Variants in MED27 observed in about 807,000 individuals in gnomAD.
MED27 encodes the protein mediator complex subunit 27.
In MED27, 30 loss-of-function variants were observed where a neutral mutation model predicts 38.2. The observed-to-expected ratio is 0.79, with a 90% confidence interval of 0.59 to 1.07. MED27 has a LOEUF of 1.07. MED27 is among the 50% of genes least tolerant of loss of function. The pLI is 0.00. For missense variants in MED27, 289 were observed against 397.5 expected, an observed-to-expected ratio of 0.73 and a Z score of 2.32; for synonymous variants, 122 against 153.5, an observed-to-expected ratio of 0.79 and a Z score of 1.52.
chr9:132,044,943 A>C (rs1833298438), intron 2 of MED27, among the ~76,000 whole-genome samples: 1 of 152,242 alleles, frequency 6.6e-6, no homozygotes, highest in Admixed American at 6.5e-5. Context: ...ATTAGAGTTA[A>C]AAGTATGAAA....
At chr9:131,910,440 C>T (rs371273202) in intron 4 of MED27, among the ~76,000 whole-genome samples, 10 of 152,268 alleles carry the variant, frequency 6.6e-5, no homozygotes, top group African/African-American at 2.2e-4. Flanking sequence ...CATCAAGGAA[C>T]AGCAGCAAAT....
At chr9:132,070,937 A>T (rs534392102) in intron 2 of MED27, among the ~76,000 whole-genome samples, 1 of 152,162 alleles carries the variant, frequency 6.6e-6, no homozygotes, top group Non-Finnish European at 1.5e-5. Flanking sequence ...AGAATCTCCA[A>T]TGTGAAGAAC....
At chr9:131,869,182 G>C in intron 6 of MED27, 1 of 985,300 alleles carries the variant, frequency 1.0e-6, no homozygotes. Context: ...TGATGAACTC[G>C]CCATGTTTTC....
intron 2 of MED27, among the ~76,000 whole-genome samples, chr9:132,029,175 C>A (rs1281148446): frequency 1.3e-5 from 2 of 152,098 alleles, no homozygotes; most frequent in African/African-American, 4.8e-5. Context: ...AGGGAGGGAG[C>A]AGGATAGGAA....
chr9:131,957,686 T>C (rs187840327), intron 3 of MED27, among the ~76,000 whole-genome samples: 1 of 152,242 alleles, frequency 6.6e-6, no homozygotes. Context: ...AAAAAGAATA[T>C]ACAATGCCTG....
intron 4 of MED27, among the ~76,000 whole-genome samples, chr9:131,925,840 A>T (rs917322753): frequency 6.6e-6 from 1 of 152,250 alleles, no homozygotes; most frequent in Non-Finnish European, 1.5e-5. Flanking sequence ...CTCCTGGTCC[A>T]GTTCTATGTT....
intron 2 of MED27, among the ~76,000 whole-genome samples, chr9:132,028,629 C>A (rs1001279277): frequency 6.6e-6 from 1 of 152,174 alleles, no homozygotes; most frequent in Admixed American, 6.5e-5. Context: ...AATTTTTATA[C>A]CTTCTTTGGA....
intron 2 of MED27, among the ~76,000 whole-genome samples, chr9:132,057,782 T>C (rs1833611852): frequency 6.6e-6 from 1 of 152,122 alleles, no homozygotes; most frequent in South Asian, 2.1e-4. Flanking sequence ...AAATTGTCAA[T>C]GCCCCCTCCA....
chr9:131,940,288 A>C (rs977361058), intron 3 of MED27, among the ~76,000 whole-genome samples: 2 of 152,220 alleles, frequency 1.3e-5, no homozygotes, highest in African/African-American at 2.4e-5. Context: ...TTTTTACTTA[A>C]ATCAGTAGTC....
chr9:131,885,232 A>C (rs1056041780), intron 5 of MED27, among the ~76,000 whole-genome samples: 6 of 152,208 alleles, frequency 3.9e-5, no homozygotes, highest in African/African-American at 1.4e-4. Flanking sequence ...GCCCCATCAC[A>C]GTCTTATTCT....
chr9:131,981,962 C>G (rs1831747023), intron 3 of MED27, among the ~76,000 whole-genome samples: 1 of 152,152 alleles, frequency 6.6e-6, no homozygotes, highest in Non-Finnish European at 1.5e-5. Context: ...ACCCCAGACC[C>G]TCCCCTGACG....
chr9:131,953,433 G>C (rs1831036794), intron 3 of MED27, among the ~76,000 whole-genome samples: 1 of 152,140 alleles, frequency 6.6e-6, no homozygotes, highest in Non-Finnish European at 1.5e-5. Context: ...GTGGTTTTAG[G>C]TGATATATGG....
intron 4 of MED27, among the ~76,000 whole-genome samples, chr9:131,903,062 G>C (rs542702175): frequency 6.8e-6 from 1 of 147,570 alleles, no homozygotes; most frequent in East Asian, 2.1e-4. Context: ...CCATGAGAGT[G>C]CTGGGTCAGT....
chr9:132,034,686 C>A (rs992755198), intron 2 of MED27, among the ~76,000 whole-genome samples: 1 of 152,182 alleles, frequency 6.6e-6, no homozygotes, highest in African/African-American at 2.4e-5. Context: ...AGGGACAGCC[C>A]CTTCCCTGGC....
At chr9:132,063,688 G>A (rs1833746621) in intron 2 of MED27, among the ~76,000 whole-genome samples, 2 of 152,196 alleles carry the variant, frequency 1.3e-5, no homozygotes, top group Non-Finnish European at 2.9e-5. Context: ...GAGCTGGCAT[G>A]GATGCTATCC....
chr9:131,887,500 T>C (rs538933626), intron 5 of MED27, among the ~76,000 whole-genome samples: 1 of 152,290 alleles, frequency 6.6e-6, no homozygotes, highest in African/African-American at 2.4e-5. Context: ...CTGCTAGATT[T>C]ATGCCAAAGA....
At chr9:131,877,845 G>A (rs1461176809) in intron 6 of MED27, among the ~76,000 whole-genome samples, 2 of 152,296 alleles carry the variant, frequency 1.3e-5, no homozygotes, top group Non-Finnish European at 2.9e-5. Context: ...CGCAATATCA[G>A]GTGTCCACCC....
intron 4 of MED27, among the ~76,000 whole-genome samples, chr9:131,925,903 G>A (rs927325870): frequency 1.3e-5 from 2 of 152,228 alleles, no homozygotes; most frequent in African/African-American, 2.4e-5. Flanking sequence ...CCATGCCTGC[G>A]TTAGTGATGA....
chr9:131,942,144 T>C (rs1017543281), intron 3 of MED27, among the ~76,000 whole-genome samples: 1 of 152,008 alleles, frequency 6.6e-6, no homozygotes, highest in Non-Finnish European at 1.5e-5. Flanking sequence ...TTTTTAATAG[T>C]TTAATAAACA....
Sources: allele counts gnomAD v4.1 joint callset (sites outside exome capture counted in the v4.1 genomes callset), GRCh38; gene constraint gnomAD v4.1.1; transcripts MANE v1.5; gene names NCBI Gene and HGNC (gene_info 2026-07-23, HGNC 2026-07-21).